The following RC3H2 variants were observed in gnomAD, a reference collection of about 807,000 sequenced individuals.
RC3H2 encodes ring finger and CCCH-type domains 2.
RC3H2 carries 31 observed loss-of-function variants against 133.3 expected under a neutral mutation model. That is an observed-to-expected ratio of 0.23 (90% confidence interval 0.17 to 0.31). The LOEUF (loss-of-function observed/expected upper bound fraction) is 0.31, where lower values mean the gene tolerates loss of function less well. RC3H2 is among the 10% of genes least tolerant of loss of function. The probability of loss-of-function intolerance (pLI) is 1.00; values close to 1 mark genes in which losing one functional copy is unlikely to be tolerated. For missense variants in RC3H2, 1,175 were observed against 1,437.2 expected, an observed-to-expected ratio of 0.82 and a Z score of 2.95; for synonymous variants, 517 against 502.2, an observed-to-expected ratio of 1.03 and a Z score of -0.40.
At chr9:122,857,849 T>A in intron 13 of RC3H2, 74 bp downstream of exon 13, 1 of 1,329,156 alleles carries the variant, frequency 7.5e-7, no homozygotes, top group East Asian at 2.3e-5. Flanking sequence ...TAGCTATTCC[T>A]GGTTTGAATG....
rs896225529 is a variant in RC3H2 at position 122,865,535 on chromosome 9, G to T, written c.1448C>A (p.Thr483Asn). ...AGNVISVIGS[T>N]ETTGKIVPST... is the part of the protein sequence containing the mutation. Reference sequence around the variant, plus strand: ...TGGAACAATTTTCCCTGTTGTTTCAGTACTTCCTATGACAGAAATGACATT... The same window carrying T: ...TGGAACAATTTTCCCTGTTGTTTCATTACTTCCTATGACAGAAATGACATT... The change falls in exon 10 of 21, where the codon ACT becomes AAT. Residue 483 changes from threonine to asparagine, a missense_variant. This residue lies in a region of RC3H2 where 490 missense variants were observed against 492.8 expected (regional missense o/e 0.99). Coordinates refer to ENST00000357244, the MANE Select transcript of RC3H2 (RefSeq NM_001100588.3). The T allele has an allele frequency of 6.2e-7, 1 of 1,614,164 alleles. No homozygotes were observed. The highest frequency in any genetic ancestry group is 1.3e-5 in the African/African-American group (1 of 75,044).
rs777617314 is a variant in RC3H2 at position 122,865,575 on chromosome 9, T to G, written c.1408A>C (p.Thr470Pro). ...LNKVGVNNTV[T>P]TTAGNVISVI... is the part of the protein sequence containing the mutation. ...GAAATGACATTTCCGGCTGTGGTTGTGACAGTGTTGTTTACACCAACTTTA... is the reference window on the plus strand; with the variant it reads ...GAAATGACATTTCCGGCTGTGGTTGGGACAGTGTTGTTTACACCAACTTTA... The change falls in exon 10 of 21, where the codon ACA (threonine) becomes CCA (proline). Residue 470 changes from threonine to proline, a missense_variant. Around this residue, in one of 8 missense-constraint regions of RC3H2, gnomAD observed 490 missense variants for 492.8 expected, o/e 0.99. Transcript: ENST00000357244. 7.4e-6 allele frequency: 12 copies of G among 1,614,084 alleles called. No homozygotes were observed. The African/African-American group carries it at 1.6e-4, about 22-fold the overall frequency.
intron 4 of RC3H2, among the ~76,000 whole-genome samples, chr9:122,886,857 T>C (rs1831937655): frequency 6.6e-6 from 1 of 152,226 alleles, no homozygotes; most frequent in Non-Finnish European, 1.5e-5. Flanking sequence ...TTACCCACTT[T>C]TAAGTTAGGT....
At position 122,890,450 on chromosome 9, in the gene RC3H2, C is replaced by T. The variant is rs1362029783; in HGVS notation, c.445G>A (p.Val149Ile). 1 of 1,614,106 alleles carries T rather than the reference C, an allele frequency of 6.2e-7. No homozygotes were observed. The highest frequency in any genetic ancestry group is 1.7e-5 in the Admixed American group (1 of 60,008). Residue 149 changes from valine (V) to isoleucine (I), a missense_variant, in exon 4 of 21, where the codon GTA (valine) becomes ATA (isoleucine). Physicochemically the swap from Val to Ile is conservative, Grantham distance 29. Around this residue, in one of 8 missense-constraint regions of RC3H2, gnomAD observed 121 missense variants for 243.5 expected, o/e 0.50. Transcript: ENST00000357244. ...NCQLVEEEGR[V>I]RAMRAARSLG... The stretch of plus-strand genomic sequence containing the variant: ...GAACGAGCTGCTCGCATGGCTCTTA[C>T]ACGACCTTCTTCCTCCACCAGTTGA...
rs978224381 is a variant in RC3H2, at chr9:122,905,119, C to G, written c.-77G>C. The G allele has an allele frequency of 1.0e-6, 1 of 985,418 alleles. No individual in the cohort carries two copies. Among genetic ancestry groups the G allele is most frequent in the Non-Finnish European group, 1.2e-6 (1 of 829,928 alleles). 61.0% of individuals were successfully genotyped at this position (985,418 alleles called of 1,614,324 possible). A position where few individuals can be genotyped will look rare whatever the true frequency, so the allele number is the denominator to read the frequency against. ...CCCGCCCCCGCCCTACCTGAGGGGG[C>G]CCGGGCGGGGTCGCTAAGGGCCGCT... On this transcript the variant is annotated 5_prime_UTR_variant, in exon 1 of 21. Transcript: ENST00000357244.
rs1829891875 is a variant in RC3H2, at chr9:122,847,299, A to G, written c.*2328T>C. The G allele has an allele frequency of 6.6e-6, 1 of 152,150 alleles. No homozygotes were observed. The allele number at this position is 152,150 out of a possible 1,614,324, so 9.4% of individuals were successfully genotyped here. On this transcript the variant is annotated 3_prime_UTR_variant, in exon 21 of 21. Transcript: ENST00000357244. The stretch of plus-strand genomic sequence containing the variant: ...CACAAGATCAATTTATGTAGTATAT[A>G]TTCACCCTCAGAACGTGCTGAAGAT...
rs747092304 is a variant in RC3H2 at position 122,865,422 on chromosome 9, C to T, written c.1561G>A (p.Val521Met). 2 of 1,614,090 alleles carry T rather than the reference C, an allele frequency of 1.2e-6. No individual in the cohort carries two copies. Among genetic ancestry groups the T allele is most frequent in the East Asian group, 2.2e-5 (1 of 44,902 alleles). The change falls in exon 10 of 21, where the codon GTG becomes ATG. Residue 521 changes from valine to methionine, a missense_variant. Coordinates refer to ENST00000357244, the MANE Select transcript of RC3H2 (RefSeq NM_001100588.3). The part of the protein sequence containing the change: ...TDSTLRALET[V>M]KKVGKVGANG... ...GCGCCAACCTTTCCCACTTTCTTCA[C>T]GGTCTCCAGAGCTCTTAAGGTACTG...
chr9:122,883,423 C>G, intron 4 of RC3H2, 44 bp from the exon 5 acceptor site: 1 of 1,492,822 alleles, frequency 6.7e-7, no homozygotes, highest in Non-Finnish European at 9.0e-7. Flanking sequence ...AATGAGGAAC[C>G]CATCAGATCA....
At chr9:122,885,661 A>C (rs560897096) in intron 4 of RC3H2, among the ~76,000 whole-genome samples, 13 of 152,316 alleles carry the variant, frequency 8.5e-5, no homozygotes, top group South Asian at 2.1e-4. Flanking sequence ...TTTTTTAAAA[A>C]TTGAGATAAA....
intron 9 of RC3H2, among the ~76,000 whole-genome samples, chr9:122,868,831 C>T (rs1830888698): frequency 7.1e-6 from 1 of 141,250 alleles, no homozygotes; most frequent in Admixed American, 7.2e-5. Flanking sequence ...AACAATATTC[C>T]CTCCTATATG....
rs181316350 is a variant in RC3H2, at chr9:122,881,822, G to A, written c.760-1028C>T. Among the ~76,000 whole-genome samples the A allele has an allele frequency of 9.7e-4, 147 of 152,292 alleles. 1 individual carries two copies. Among genetic ancestry groups the A allele is most frequent in the African/African-American group, 3.3e-3 (137 of 41,560 alleles). On this transcript the variant is annotated intron_variant, in intron 5 of 20. Transcript: ENST00000357244. Reference sequence around the variant, plus strand: ...TTACAGGTATAAACCACTGCACAGAGCTGATTGAGGATTTTTAAGCATAGA... The same window carrying A: ...TTACAGGTATAAACCACTGCACAGAACTGATTGAGGATTTTTAAGCATAGA...
chr9:122,884,530 T>C (rs760831259), intron 4 of RC3H2, among the ~76,000 whole-genome samples: 2 of 152,122 alleles, frequency 1.3e-5, no homozygotes, highest in African/African-American at 2.4e-5. Context: ...AAGTTAATCA[T>C]TGGAGAACAT....
chr9:122,855,685 T>A (rs1318745494), intron 14 of RC3H2, 47 bp downstream of exon 14: 2 of 1,569,490 alleles, frequency 1.3e-6, no homozygotes, highest in South Asian at 2.4e-5. Context: ...TGAGTGAACA[T>A]GCATCATCTC....
intron 18 of RC3H2, among the ~76,000 whole-genome samples, chr9:122,852,030 G>A (rs1417669619): frequency 1.3e-5 from 2 of 151,006 alleles, no homozygotes; most frequent in East Asian, 2.0e-4. Context: ...CTGCCCGGCC[G>A]CCATCCCATC....
intron 5 of RC3H2, among the ~76,000 whole-genome samples, chr9:122,882,329 A>G (rs575169649): frequency 1.3e-5 from 2 of 152,344 alleles, no homozygotes; most frequent in South Asian, 4.1e-4. Context: ...TCATTAGTGG[A>G]GTTAAATGAA....
At position 122,879,808 on chromosome 9, in the gene RC3H2, C is replaced by T; in HGVS notation, c.1159G>A (p.Gly387Ser). Reference protein sequence around the residue: ...AMVAVKTVVHGLVDFIQNYSR... With the variant: ...AMVAVKTVVHSLVDFIQNYSR... ...TAATTTTGTATGAAGTCCACAAGGC[C>T]ATGAACTACTGTTTTAACAGCTACC... The change falls in exon 8 of 21, where the codon GGC (glycine) becomes AGC (serine). Residue 387 changes from glycine (G) to serine (S), a missense_variant. By Grantham distance (56) the Gly-to-Ser change is moderately conservative (BLOSUM62 0). Transcript: ENST00000357244. 1 of 1,614,058 alleles carries T rather than the reference C, an allele frequency of 6.2e-7. No homozygotes were observed. Among genetic ancestry groups the T allele is most frequent in the Non-Finnish European group, 8.5e-7 (1 of 1,179,996 alleles).
rs765097379 is a variant in RC3H2 at position 122,848,529 on chromosome 9, T to C, written c.*1098A>G. ...ATAAATGTTAGCCACTGTTCTACTA[T>C]TACACAGTTCATAGTCTTATCAACC... On this transcript the variant is annotated 3_prime_UTR_variant, in exon 21 of 21. Coordinates refer to ENST00000357244, the MANE Select transcript of RC3H2 (RefSeq NM_001100588.3). 1.7e-4 allele frequency: 26 copies of C among 152,170 alleles called. No homozygotes were observed. The highest frequency in any genetic ancestry group is 1.4e-3 in the Admixed American group (22 of 15,278). The allele number at this position is 152,170 out of a possible 1,614,324, so 9.4% of individuals were successfully genotyped here.
rs1302366101 is a variant in RC3H2 at position 122,850,975 on chromosome 9, T to C, written c.3380+106A>G. On this transcript the variant is annotated intron_variant, in intron 20 of 20. Coordinates refer to ENST00000357244, the MANE Select transcript of RC3H2 (RefSeq NM_001100588.3). ...TCCAGATTGACCAAATCATTGCCCA[T>C]ATAAGGTCTTCCCCTCACAGCATAA... 1.3e-5 allele frequency: 15 copies of C among 1,187,246 alleles called. No homozygotes were observed. In the Admixed American group the frequency reaches 2.8e-4, roughly 22 times the overall value. 73.5% of individuals were successfully genotyped at this position (1,187,246 alleles called of 1,614,324 possible). A position where few individuals can be genotyped will look rare whatever the true frequency, so the allele number is the denominator to read the frequency against.
chr9:122,850,123 T>C (rs988010280), intron 20 of RC3H2, among the ~76,000 whole-genome samples: 2 of 151,990 alleles, frequency 1.3e-5, no homozygotes, highest in Non-Finnish European at 2.9e-5. Flanking sequence ...ATTACAGGCA[T>C]GTGCCACCAC....
Sources: allele counts gnomAD v4.1 joint callset (sites outside exome capture counted in the v4.1 genomes callset), GRCh38; gene constraint gnomAD v4.1.1; regional missense constraint gnomAD v4.1.1; transcripts MANE v1.5; gene names NCBI Gene and HGNC (gene_info 2026-07-23, HGNC 2026-07-21).